Variants in ARHGAP8 observed in about 807,000 individuals in gnomAD.
ARHGAP8 encodes the protein rho GTPase-activating protein 8.
ARHGAP8 carries 62 observed loss-of-function variants against 46.1 expected under a neutral mutation model. That is an observed-to-expected ratio of 1.34 (90% CI 1.10 to 1.66). ARHGAP8 has a LOEUF of 1.66. Among genes scored for constraint, ARHGAP8 ranks in the 40% most tolerant of loss-of-function variants. The pLI is 0.00. For missense variants in ARHGAP8, 923 were observed against 568.4 expected (o/e 1.62, Z -6.34); for synonymous variants, 375 against 243.1 (o/e 1.54, Z -5.05).
At chr22:44,798,581 G>A (rs1928264376) in intron 2 of ARHGAP8, among the ~76,000 whole-genome samples, 2 of 150,740 alleles carry the variant, frequency 1.3e-5, no homozygotes, top group Admixed American at 1.3e-4. Context: ...ACTACACAGG[G>A]TTAGAGGTGG....
intron 1 of ARHGAP8, among the ~76,000 whole-genome samples, chr22:44,763,357 C>T (rs899900856): frequency 4.0e-5 from 6 of 151,424 alleles, no homozygotes; most frequent in South Asian, 4.2e-4. Context: ...ATCAGCCAGG[C>T]GTAGTGGTGC....
intron 7 of ARHGAP8, among the ~76,000 whole-genome samples, chr22:44,842,729 C>G (rs1273213856): frequency 6.6e-6 from 1 of 152,094 alleles, no homozygotes; most frequent in Non-Finnish European, 1.5e-5. Flanking sequence ...GTGACATAGA[C>G]CCTCAGAGCC....
chr22:44,797,749 T>C (rs1047415168), intron 2 of ARHGAP8, among the ~76,000 whole-genome samples: 4 of 152,162 alleles, frequency 2.6e-5, no homozygotes, highest in Non-Finnish European at 5.9e-5. Flanking sequence ...TCACACACTG[T>C]GCGCGCGTGT....
At chr22:44,801,851 G>A (rs1928577486) in intron 2 of ARHGAP8, 1 of 572,688 alleles carries the variant, frequency 1.7e-6, no homozygotes, top group Non-Finnish European at 3.1e-6. Context: ...TCTGTAAAGT[G>A]GGGGGATTAT....
intron 10 of ARHGAP8, among the ~76,000 whole-genome samples, chr22:44,851,771 G>A (rs1049025134): frequency 6.6e-6 from 1 of 152,022 alleles, no homozygotes; most frequent in Non-Finnish European, 1.5e-5. Flanking sequence ...CCTGGGAGTT[G>A]GAGGCTACAG....
intron 10 of ARHGAP8, among the ~76,000 whole-genome samples, chr22:44,858,283 GCATGTGGCTGAGTGCACA>G (rs2070295625): frequency 6.6e-6 from 1 of 152,052 alleles, no homozygotes; most frequent in Non-Finnish European, 1.5e-5. Context: ...GCATAGGCAT[GCATGTGGCTGAGTGCACA>G]CATGTGCATA....
Position 44,774,956 on chromosome 22 carries a change from G to A in ARHGAP8, c.-71-11501G>A, listed in dbSNP as rs377612265. ...AGTGATTCTCCTACCTCAGCCTCCC[G>A]AGTAGCTGGGACAACAGGCACTCAC... On this transcript the variant is annotated intron_variant, in intron 1 of 11. Transcript: ENST00000356099. 3.8e-3 allele frequency among the ~76,000 whole-genome samples: 578 copies of A among 151,634 alleles called. 4 individuals are homozygous for A. The highest frequency in any genetic ancestry group is 0.012 in the African/African-American group (507 of 41,322).
chr22:44,850,988 C>G (rs916123974), intron 10 of ARHGAP8: 5 of 144,884 alleles, frequency 3.5e-5, no homozygotes, highest in African/African-American at 1.0e-4. Context: ...AAAAAGCTTG[C>G]AATTATGAAT....
At chr22:44,782,546 T>C (rs1157100522) in intron 1 of ARHGAP8, among the ~76,000 whole-genome samples, 4 of 151,908 alleles carry the variant, frequency 2.6e-5, no homozygotes, top group Admixed American at 2.6e-4. Flanking sequence ...TTTCTGTCTC[T>C]GTGGATTTGC....
intron 6 of ARHGAP8, among the ~76,000 whole-genome samples, chr22:44,824,790 G>A (rs1193874517): frequency 6.6e-6 from 1 of 151,946 alleles, no homozygotes; most frequent in East Asian, 1.9e-4. Flanking sequence ...GCACAACCAT[G>A]CCCAGCTAAT....
At chr22:44,790,736 T>C (rs112380668) in intron 2 of ARHGAP8, among the ~76,000 whole-genome samples, 72,157 of 130,678 alleles carry the variant, frequency 0.55, 20,823 homozygotes, top group African/African-American at 0.62. Flanking sequence ...CTGGCCGTTT[T>C]TTTTTTTTTT....
At chr22:44,859,652 C>G (rs747894346) in intron 10 of ARHGAP8, 79 bp from the exon 11 acceptor site, 1 of 1,503,570 alleles carries the variant, frequency 6.7e-7, no homozygotes, top group African/African-American at 1.4e-5. Context: ...TTCCTACACC[C>G]CTGTTCTCCT....
intron 5 of ARHGAP8, among the ~76,000 whole-genome samples, chr22:44,815,619 A>G (rs16992894): frequency 0.044 from 6,686 of 150,304 alleles, 300 homozygotes; most frequent in Admixed American, 0.13. Flanking sequence ...CAACCCAAAT[A>G]AGCGGCCTAA....
intron 3 of ARHGAP8, among the ~76,000 whole-genome samples, chr22:44,804,605 G>A (rs1197502231): frequency 6.6e-6 from 1 of 152,226 alleles, no homozygotes; most frequent in African/African-American, 2.4e-5. Context: ...GCTGGGGACA[G>A]CTCAGGACGT....
At position 44,786,611 on chromosome 22, in the gene ARHGAP8, G is replaced by A. The variant is rs1927258436; in HGVS notation, c.79+5G>A. ...ATGGCATTCTGCAGGTGGCAGGTAG[G>A]GCCCCAGCTGGGCAGTCTGCAGGAC... is the stretch of plus-strand genomic sequence containing the variant. On this transcript the variant is annotated splice_donor_5th_base_variant and intron_variant, in intron 2 of 11. Transcript: ENST00000356099. The A allele has an allele frequency of 6.2e-7, 1 of 1,612,338 alleles. No homozygotes were observed. Among genetic ancestry groups the A allele is most frequent in the Non-Finnish European group, 8.5e-7 (1 of 1,179,410 alleles).
At chr22:44,766,462 A>G (rs1440520596) in intron 1 of ARHGAP8, among the ~76,000 whole-genome samples, 1 of 150,366 alleles carries the variant, frequency 6.7e-6, no homozygotes, top group South Asian at 2.1e-4. Context: ...GTCTCTGTGT[A>G]CGTGTCTCTG....
At chr22:44,837,558 G>A (rs530835786) in intron 7 of ARHGAP8, among the ~76,000 whole-genome samples, 3 of 152,138 alleles carry the variant, frequency 2.0e-5, no homozygotes, top group South Asian at 4.1e-4. Context: ...GGTGTGATAC[G>A]ATTCACCGGC....
At chr22:44,772,223 CTTTTTTTTTT>C (rs71188484) in intron 1 of ARHGAP8, among the ~76,000 whole-genome samples, 8 of 16,428 alleles carry the variant, frequency 4.9e-4, no homozygotes, top group Admixed American at 1.5e-3. Context: ...ACTGTTTTGC[CTTTTTTTTTT>C]TTTTTTTTTT....
chr22:44,821,429 GAAA>G (rs1555915398), intron 5 of ARHGAP8, among the ~76,000 whole-genome samples: 5 of 149,774 alleles, frequency 3.3e-5, no homozygotes, highest in Non-Finnish European at 7.4e-5. Context: ...ACTCCATCTC[GAAA>G]AAAAAAAAGT....
Sources: allele counts gnomAD v4.1 joint callset (sites outside exome capture counted in the v4.1 genomes callset), GRCh38; gene constraint gnomAD v4.1.1; transcripts MANE v1.5; gene names NCBI Gene and HGNC (gene_info 2026-07-23, HGNC 2026-07-21).